PNPLA8: variants seen among roughly 807,000 people sequenced by gnomAD.
PNPLA8 encodes the protein calcium-independent phospholipase A2-gamma.
Under a neutral mutation model 76.9 loss-of-function variants are expected in PNPLA8, and 39 were observed. The ratio of observed to expected loss-of-function variants is 0.51; its 90% CI spans 0.39 to 0.66. The LOEUF (loss-of-function observed/expected upper bound fraction) is 0.66. PNPLA8 is among the 30% of genes least tolerant of loss of function. PNPLA8 has a pLI of 0.00. For synonymous variants in PNPLA8, 301 were observed against 307.9 expected, an observed-to-expected ratio of 0.98 and a Z score of 0.24; for missense variants, 887 against 918.0, an observed-to-expected ratio of 0.97 and a Z score of 0.44.
intron 4 of PNPLA8, among the ~76,000 whole-genome samples, chr7:108,505,652 C>T (rs146406587): frequency 1.3e-5 from 2 of 151,686 alleles, no homozygotes; most frequent in South Asian, 2.1e-4. Context: ...TGAGCCACGG[C>T]GCCTGGCCAA....
At chr7:108,510,630 G>A (rs1353201899) in intron 4 of PNPLA8, 4 of 1,566,938 alleles carry the variant, frequency 2.6e-6, no homozygotes, top group Non-Finnish European at 3.5e-6. Context: ...AACATGCTGA[G>A]GATTGTAGAG....
chr7:108,504,202 T>A (rs1862167027), intron 4 of PNPLA8, among the ~76,000 whole-genome samples: 1 of 152,148 alleles, frequency 6.6e-6, no homozygotes, highest in East Asian at 1.9e-4. Flanking sequence ...GAAAAAGATA[T>A]AATTTGATAT....
intron 8 of PNPLA8, among the ~76,000 whole-genome samples, chr7:108,490,521 C>T (rs1025185525): frequency 1.3e-5 from 2 of 152,156 alleles, no homozygotes; most frequent in Non-Finnish European, 2.9e-5. Flanking sequence ...CGGTGGCTCA[C>T]GCCCGTAATC....
At chr7:108,507,931 T>C (rs1862582692) in intron 4 of PNPLA8, among the ~76,000 whole-genome samples, 1 of 134,886 alleles carries the variant, frequency 7.4e-6, no homozygotes, top group East Asian at 2.2e-4. Flanking sequence ...AACCACATGA[T>C]TATCTCAATA....
intron 9 of PNPLA8, among the ~76,000 whole-genome samples, chr7:108,484,046 A>G (rs1860576528): frequency 6.6e-6 from 1 of 152,226 alleles, no homozygotes; most frequent in Non-Finnish European, 1.5e-5. Flanking sequence ...AGCCTATATA[A>G]GGATGATCAG....
chr7:108,523,621 C>A (rs1193472183), intron 1 of PNPLA8, among the ~76,000 whole-genome samples: 2 of 152,178 alleles, frequency 1.3e-5, no homozygotes, highest in Non-Finnish European at 2.9e-5. Flanking sequence ...TCCATAAATA[C>A]CCCTAAGAAA....
intron 8 of PNPLA8, among the ~76,000 whole-genome samples, chr7:108,489,506 T>C (rs1280149470): frequency 1.3e-5 from 2 of 152,242 alleles, no homozygotes; most frequent in Admixed American, 6.5e-5. Flanking sequence ...TTTAAAAATA[T>C]GCTTTCAAAG....
At position 108,472,318 on chromosome 7, in the gene PNPLA8, C is replaced by T. The variant is rs1407262599; in HGVS notation, c.*83G>A. 5 of 970,872 alleles carry T rather than the reference C, an allele frequency of 5.2e-6. No individual in the cohort carries two copies. Among genetic ancestry groups the T allele is most frequent in the Non-Finnish European group, 6.1e-6 (4 of 652,784 alleles). 60.1% of individuals were successfully genotyped at this position (970,872 alleles called of 1,614,324 possible). ...ATTCATACGTATTTCAAAGTTAACT[C>T]ATGTCGAACCCCACAATTCCTTATT... On this transcript the variant is annotated 3_prime_UTR_variant, in exon 11 of 11. Coordinates refer to ENST00000257694, the MANE Select transcript of PNPLA8 (RefSeq NM_001256007.3).
At chr7:108,481,124 G>C (rs952384187) in intron 9 of PNPLA8, among the ~76,000 whole-genome samples, 9 of 152,174 alleles carry the variant, frequency 5.9e-5, no homozygotes, top group African/African-American at 1.9e-4. Context: ...TAGGACCTCT[G>C]GGTTGTTTCC....
At chr7:108,475,077 A>G (rs532663101) in intron 10 of PNPLA8, among the ~76,000 whole-genome samples, 2 of 152,108 alleles carry the variant, frequency 1.3e-5, no homozygotes, top group Non-Finnish European at 2.9e-5. Flanking sequence ...TGCAAACCCT[A>G]TTGTGAACTG....
rs567964516 is a variant in PNPLA8 at position 108,486,872 on chromosome 7, G to A, written c.1878+887C>T. Among the ~76,000 whole-genome samples, 10 of 152,188 alleles carry A rather than the reference G, an allele frequency of 6.6e-5. No individual in the cohort carries two copies. The East Asian group carries it at 1.7e-3, about 26-fold the overall frequency. On this transcript the variant is annotated intron_variant, in intron 9 of 10. Transcript: ENST00000257694. ...ACAGATATCTGACCAAATAAAGAGA[G>A]TAGACGTACTTTAGGGACTAGAGAA...
At chr7:108,507,941 A>G in intron 4 of PNPLA8, among the ~76,000 whole-genome samples, 1 of 132,002 alleles carries the variant, frequency 7.6e-6, no homozygotes, top group South Asian at 2.7e-4. Flanking sequence ...TTATCTCAAT[A>G]GATGCAGAAA....
At chr7:108,473,899 C>T (rs1292270049) in intron 10 of PNPLA8, among the ~76,000 whole-genome samples, 1 of 152,080 alleles carries the variant, frequency 6.6e-6, no homozygotes. Flanking sequence ...GAGATGGGAT[C>T]TCACTATATT....
Position 108,491,456 on chromosome 7 carries a change from C to G in PNPLA8, c.1637G>C (p.Gly546Ala). The G allele has an allele frequency of 6.3e-7, 1 of 1,597,604 alleles. No individual in the cohort carries two copies. The highest frequency in any genetic ancestry group is 8.6e-7 in the Non-Finnish European group (1 of 1,165,118). ...TWENILKDRM[G>A]SALMIETARN... ...TGCTGTTTCAATCATCAGTGCAGATCCCATCCTATCCCTTTATTAAAGGAG... is the reference window on the plus strand; with the variant it reads ...TGCTGTTTCAATCATCAGTGCAGATGCCATCCTATCCCTTTATTAAAGGAG... Residue 546 changes from glycine (G) to alanine (A), a missense_variant, in exon 8 of 11, where the codon GGA becomes GCA. Coordinates refer to ENST00000257694, the MANE Select transcript of PNPLA8 (RefSeq NM_001256007.3).
chr7:108,505,551 CG>C (rs1260829454), intron 4 of PNPLA8, among the ~76,000 whole-genome samples: 2 of 149,938 alleles, frequency 1.3e-5, no homozygotes, highest in Non-Finnish European at 3.0e-5. Flanking sequence ...TTAGTAGAGA[CG>C]AGGTTTCACC....
intron 10 of PNPLA8, among the ~76,000 whole-genome samples, chr7:108,475,741 CT>C (rs1380972545): frequency 2.0e-5 from 3 of 152,074 alleles, no homozygotes; most frequent in African/African-American, 7.2e-5. Flanking sequence ...AGAAACTATG[CT>C]ATAGTGTAGA....
Position 108,515,008 on chromosome 7 carries a change from C to T in PNPLA8, c.484G>A (p.Asp162Asn). The T allele has an allele frequency of 6.2e-7, 1 of 1,607,600 alleles. No individual in the cohort carries two copies. Among genetic ancestry groups the T allele is most frequent in the South Asian group, 1.1e-5 (1 of 91,028 alleles). The change falls in exon 3 of 11, where the codon GAC (aspartate) becomes AAC (asparagine). Residue 162 changes from aspartate to asparagine, a missense_variant. Physicochemically the swap from Asp to Asn is conservative, Grantham distance 23. Transcript: ENST00000257694. ...QAIKSLKKYS[D>N]KSAEKSPFPE... is the part of the protein sequence containing the mutation. ...AAAGGACTCTTTTCTGCTGATTTGT[C>T]ACTATATTTTTTCAGAGATTTGATG...
intron 4 of PNPLA8, among the ~76,000 whole-genome samples, chr7:108,513,749 A>G (rs1372746199): frequency 1.3e-5 from 2 of 152,102 alleles, no homozygotes; most frequent in African/African-American, 4.8e-5. Context: ...AAATTTTTAG[A>G]CTTTCAAATA....
At chr7:108,497,448 G>T in intron 6 of PNPLA8, 35 bp downstream of exon 6, 2 of 1,315,940 alleles carry the variant, frequency 1.5e-6, no homozygotes, top group Non-Finnish European at 1.1e-6. Flanking sequence ...TTAATGTACT[G>T]CCAGAATGCA....
Sources: gnomAD v4.1 joint callset for allele counts (sites outside exome capture counted in the v4.1 genomes callset) on GRCh38, gnomAD v4.1.1 for gene constraint, MANE v1.5 for transcripts, NCBI Gene and HGNC (gene_info 2026-07-23, HGNC 2026-07-21) for gene names.